The following CA10 variants were observed in gnomAD, a reference collection of about 807,000 sequenced individuals.
CA10 encodes carbonic anhydrase 10 (inactive), also known as carbonic anhydrase-related protein 10.
Under a neutral mutation model 44.2 loss-of-function variants are expected in CA10, and 14 were observed. The observed-to-expected ratio is 0.32, with a 90% confidence interval of 0.21 to 0.50. The LOEUF (loss-of-function observed/expected upper bound fraction) is 0.50. CA10 is among the 20% of genes least tolerant of loss of function. CA10 has a pLI of 0.99. For missense variants in CA10, 350 were observed against 409.7 expected (o/e 0.85, Z 1.26); for synonymous variants, 159 against 141.6 (o/e 1.12, Z -0.87).
intron 5 of CA10, among the ~76,000 whole-genome samples, chr17:51,651,467 A>G (rs1270207235): frequency 6.6e-6 from 1 of 152,166 alleles, no homozygotes; most frequent in East Asian, 1.9e-4. Context: ...CTGCTCAGGG[A>G]AAGAATGGCT....
chr17:51,651,449 T>C (rs914879204), intron 5 of CA10, among the ~76,000 whole-genome samples: 1 of 152,158 alleles, frequency 6.6e-6, no homozygotes, highest in Non-Finnish European at 1.5e-5. Context: ...AGCAAGAAAG[T>C]TTCAGGTCTG....
intron 3 of CA10, among the ~76,000 whole-genome samples, chr17:51,909,796 G>C (rs185950190): frequency 7.2e-5 from 11 of 152,100 alleles, no homozygotes; most frequent in Admixed American, 7.2e-4. Context: ...GCATCTCATC[G>C]ATGTTAACTG....
At chr17:51,648,464 C>G (rs1053165664) in intron 6 of CA10, among the ~76,000 whole-genome samples, 1 of 152,190 alleles carries the variant, frequency 6.6e-6, no homozygotes, top group Non-Finnish European at 1.5e-5. Flanking sequence ...GTATCCTACT[C>G]GCTCCTAATT....
chr17:51,952,619 A>G (rs1352956261), intron 2 of CA10, among the ~76,000 whole-genome samples: 1 of 152,164 alleles, frequency 6.6e-6, no homozygotes, highest in African/African-American at 2.4e-5. Flanking sequence ...TAACCACAAC[A>G]AATGGTAAAA....
intron 1 of CA10, among the ~76,000 whole-genome samples, chr17:52,131,129 T>C (rs1989229731): frequency 6.6e-6 from 1 of 151,794 alleles, no homozygotes; most frequent in South Asian, 2.1e-4. Flanking sequence ...ACTATAAACA[T>C]AAATATTATT....
In CA10 at chr17:52,157,782, T is replaced by C. The variant is rs11655970; in HGVS notation, c.5A>G (p.Glu2Gly). ...AAGAAAAAGCACCTCCCAGACTATT[T>C]CCATCCTCTGATTCTCATTCCAAGT... M[E>G]IVWEVLFLLQ... Residue 2 changes from glutamate (E) to glycine (G), a missense_variant, in exon 1 of 9, where the codon GAA becomes GGA. Coordinates refer to ENST00000451037, the MANE Select transcript of CA10 (RefSeq NM_020178.5). 1.5e-4 allele frequency: 249 copies of C among 1,613,676 alleles called. No individual in the cohort carries two copies. The highest frequency in any genetic ancestry group is 8.2e-4 in the Middle Eastern group (5 of 6,062).
At chr17:51,648,284 C>A (rs1913419959) in intron 6 of CA10, among the ~76,000 whole-genome samples, 1 of 152,150 alleles carries the variant, frequency 6.6e-6, no homozygotes, top group Admixed American at 6.5e-5. Context: ...TGTTTGCCAA[C>A]TGTTTTTCAC....
At chr17:52,101,413 CAGTTA>C (rs1260892986) in intron 1 of CA10, among the ~76,000 whole-genome samples, 10 of 152,118 alleles carry the variant, frequency 6.6e-5, no homozygotes, top group Non-Finnish European at 1.2e-4. Flanking sequence ...GCCAGTATTC[CAGTTA>C]AAATCAGCCA....
intron 3 of CA10, among the ~76,000 whole-genome samples, chr17:51,750,163 A>G (rs1904843863): frequency 6.6e-6 from 1 of 152,204 alleles, no homozygotes; most frequent in African/African-American, 2.4e-5. Flanking sequence ...AAGATAATAC[A>G]TAGGCATTAT....
intron 2 of CA10, 57 bp from the exon 3 acceptor site, chr17:51,931,189 T>C: frequency 1.3e-6 from 2 of 1,545,670 alleles, no homozygotes; most frequent in Admixed American, 3.4e-5. Flanking sequence ...GGAAACAACA[T>C]AAATAAACAG....
chr17:51,668,906 A>G (rs1186952141), intron 4 of CA10, among the ~76,000 whole-genome samples: 2 of 152,184 alleles, frequency 1.3e-5, no homozygotes, highest in Non-Finnish European at 2.9e-5. Flanking sequence ...TGAGGGGCTT[A>G]GCACCTGGGC....
intron 3 of CA10, among the ~76,000 whole-genome samples, chr17:51,893,126 CAGATAA>C (rs1365735666): frequency 6.6e-6 from 1 of 151,896 alleles, no homozygotes; most frequent in Non-Finnish European, 1.5e-5. Context: ...TACAGGCTAA[CAGATAA>C]AAAGACTATA....
intron 6 of CA10, among the ~76,000 whole-genome samples, chr17:51,639,776 G>A (rs780960199): frequency 1.3e-5 from 2 of 152,300 alleles, no homozygotes; most frequent in East Asian, 1.9e-4. Context: ...GACTCACATC[G>A]CAGTTGGAGT....
chr17:51,777,682 G>A (rs377289310), intron 3 of CA10, among the ~76,000 whole-genome samples: 10 of 152,228 alleles, frequency 6.6e-5, no homozygotes, highest in Non-Finnish European at 8.8e-5. Flanking sequence ...AGGGGTTCAC[G>A]CCTGTAATCC....
chr17:51,896,992 T>C (rs1477615659), intron 3 of CA10, among the ~76,000 whole-genome samples: 1 of 152,184 alleles, frequency 6.6e-6, no homozygotes, highest in Non-Finnish European at 1.5e-5. Flanking sequence ...ATGCATAGTT[T>C]GCAAATATTT....
intron 2 of CA10, among the ~76,000 whole-genome samples, chr17:51,971,351 G>A (rs983576931): frequency 6.6e-6 from 1 of 152,058 alleles, no homozygotes; most frequent in African/African-American, 2.4e-5. Context: ...TCTTTCATAA[G>A]AAGCACAAAA....
rs578075600 is a variant in CA10 at position 52,087,860 on chromosome 17, A to C, written c.62-15467T>G. On this transcript the variant is annotated intron_variant, in intron 1 of 8. Transcript: ENST00000451037. ...GAGTCCTAGAGGAATAAAAACTTTCAGAAGAGTTAACGGTAGAAGCCAACA... is the reference window on the plus strand; with the variant it reads ...GAGTCCTAGAGGAATAAAAACTTTCCGAAGAGTTAACGGTAGAAGCCAACA... 1.2e-4 allele frequency among the ~76,000 whole-genome samples: 19 copies of C among 152,352 alleles called. No homozygotes were observed. In the East Asian group the frequency reaches 3.3e-3, roughly 26 times the overall value.
chr17:52,053,573 C>A (rs1196091342), intron 2 of CA10, among the ~76,000 whole-genome samples: 1 of 151,780 alleles, frequency 6.6e-6, no homozygotes, highest in African/African-American at 2.4e-5. Context: ...TAACAGAAGT[C>A]CTGTACAAAA....
intron 4 of CA10, among the ~76,000 whole-genome samples, chr17:51,715,651 T>C (rs1346221587): frequency 6.6e-6 from 1 of 152,232 alleles, no homozygotes; most frequent in Non-Finnish European, 1.5e-5. Flanking sequence ...TATTATTGAC[T>C]ACAGTCATCC....
Sources: gnomAD v4.1 joint callset for allele counts (sites outside exome capture counted in the v4.1 genomes callset) on GRCh38, gnomAD v4.1.1 for gene constraint, MANE v1.5 for transcripts, NCBI Gene and HGNC (gene_info 2026-07-23, HGNC 2026-07-21) for gene names.